CD1D: variants seen among roughly 807,000 people sequenced by gnomAD.
CD1D encodes antigen-presenting glycoprotein CD1d.
In CD1D, 40 loss-of-function variants were observed where a neutral mutation model predicts 42.1. That is an observed-to-expected ratio of 0.95 (90% CI 0.74 to 1.24). CD1D has a LOEUF of 1.24. CD1D is among the 50% of genes most tolerant of loss of function. The pLI, the probability that CD1D is intolerant of heterozygous loss-of-function variation, is 0.00. For synonymous variants in CD1D, 178 were observed against 171.8 expected, an observed-to-expected ratio of 1.04 and a Z score of -0.28; for missense variants, 437 against 416.5, an observed-to-expected ratio of 1.05 and a Z score of -0.43.
upstream of CD1D, among the ~76,000 whole-genome samples, chr1:158,180,640 C>A (rs1460732616): frequency 6.6e-6 from 1 of 152,220 alleles, no homozygotes; most frequent in Non-Finnish European, 1.5e-5. Flanking sequence ...TAAGATCACT[C>A]ATAGTCTTTC....
rs1648660283 is a variant in CD1D, at chr1:158,185,331, A to G, written c.*1181A>G. Among the ~76,000 whole-genome samples, 1 of 152,212 alleles carries G rather than the reference A, an allele frequency of 6.6e-6. No individual in the cohort carries two copies. The highest frequency in any genetic ancestry group is 2.4e-5 in the African/African-American group (1 of 41,462). ...TGGAGAGTGTTTGCTTGAGAAAAGT[A>G]ACATTTCACACTCTCTATACTAGAC... On this transcript the variant is annotated 3_prime_UTR_variant, in exon 6 of 6. Transcript: ENST00000674085.
chr1:158,182,353 C>G (rs374194252), intron 3 of CD1D, 43 bp downstream of exon 3: 223 of 1,607,846 alleles, frequency 1.4e-4, no homozygotes, highest in Non-Finnish European at 1.9e-4. Flanking sequence ...CTTCAGGGCT[C>G]CAAACGGGCT....
Position 158,181,532 on chromosome 1 carries a change from T to C in CD1D, c.139T>C (p.Leu47=). Residue 47 remains leucine (L), a synonymous_variant, in exon 2 of 6, where the codon TTG becomes CTG. Transcript: ENST00000674085. ...TAGCAGCTGGACGCGCACCGACGGC[T>C]TGGCGTGGCTGGGGGAGCTGCAGAC... is the stretch of plus-strand genomic sequence containing the variant. The part of the protein sequence containing the change: ...ANSSWTRTDG[L]AWLGELQTHS... 1 of 1,614,162 alleles carries C rather than the reference T, an allele frequency of 6.2e-7. No homozygotes were observed. Among genetic ancestry groups the C allele is most frequent in the Non-Finnish European group, 8.5e-7 (1 of 1,180,032 alleles).
rs1648645273 is a variant in CD1D at position 158,184,989 on chromosome 1, G to A, written c.*839G>A. The A allele has an allele frequency of 6.6e-6, 1 of 152,190 alleles. No homozygotes were observed. The highest frequency in any genetic ancestry group is 6.5e-5 in the Admixed American group (1 of 15,290). 9.4% of individuals were successfully genotyped at this position (152,190 alleles called of 1,614,324 possible). On this transcript the variant is annotated 3_prime_UTR_variant, in exon 6 of 6. Coordinates refer to ENST00000674085, the MANE Select transcript of CD1D (RefSeq NM_001371762.2). ...TTTTTCCTTGGAGGAAGATTGTCAT[G>A]AAGGCATCCCTTCCTTCCCAAAACG...
chr1:158,183,249 A>G (rs1648544032), intron 4 of CD1D, 93 bp downstream of exon 4: 1 of 1,430,170 alleles, frequency 7.0e-7, no homozygotes. Context: ...TGATATACCC[A>G]GGTTAGAGGA....
At chr1:158,182,422 G>A in intron 3 of CD1D, 112 bp downstream of exon 3, 2 of 1,181,840 alleles carry the variant, frequency 1.7e-6, no homozygotes, top group Non-Finnish European at 2.5e-6. Flanking sequence ...GCCCAGGAGG[G>A]GCTGGATAAG....
Position 158,186,303 on chromosome 1 carries a change from C to T in CD1D, c.*2153C>T, listed in dbSNP as rs990781388. On this transcript the variant is annotated 3_prime_UTR_variant, in exon 6 of 6. Coordinates refer to ENST00000674085, the MANE Select transcript of CD1D (RefSeq NM_001371762.2). ...CCACTGGCCTTCTGCATTCTGAGGGCACGTGTGTTAAAGTCTCTACTGATG... is the reference window on the plus strand; with the variant it reads ...CCACTGGCCTTCTGCATTCTGAGGGTACGTGTGTTAAAGTCTCTACTGATG... Among the ~76,000 whole-genome samples the T allele has an allele frequency of 6.6e-6, 1 of 152,138 alleles. No homozygotes were observed. The highest frequency in any genetic ancestry group is 2.4e-5 in the African/African-American group (1 of 41,430).
Position 158,184,132 on chromosome 1 carries a change from C to G in CD1D, c.990C>G (p.Ser330=), listed in dbSNP as rs780169915. ...TTCCCTTTCTATTCTCTCACAGTTCCTATCAGGGCGTCCTGTGACTCGCCT... is the reference window on the plus strand; with the variant it reads ...TTCCCTTTCTATTCTCTCACAGTTCGTATCAGGGCGTCCTGTGACTCGCCT... ...GFTSRFKRQT[S]YQGVL is the part of the protein sequence containing the mutation. The change falls in exon 6 of 6, where the codon TCC becomes TCG. Residue 330 remains serine, a synonymous_variant. Transcript: ENST00000674085. The G allele has an allele frequency of 5.0e-6, 8 of 1,613,990 alleles. No individual in the cohort carries two copies. In the East Asian group the frequency reaches 1.8e-4, roughly 36 times the overall value.
Position 158,183,052 on chromosome 1 carries a change from G to T in CD1D, c.782G>T (p.Trp261Leu), listed in dbSNP as rs1287550250. 1 of 1,614,148 alleles carries T rather than the reference G, an allele frequency of 6.2e-7. No homozygotes were observed. Among genetic ancestry groups the T allele is most frequent in the Non-Finnish European group, 8.5e-7 (1 of 1,180,004 alleles). Residue 261 changes from tryptophan (W) to leucine (L), a missense_variant, in exon 4 of 6, where the codon TGG becomes TTG. Transcript: ENST00000674085. ...ATCCTGCCCAATGCTGACGAGACATGGTATCTCCGAGCAACCCTGGATGTG... is the reference window on the plus strand; with the variant it reads ...ATCCTGCCCAATGCTGACGAGACATTGTATCTCCGAGCAACCCTGGATGTG... Reference protein sequence around the residue: ...GDILPNADETWYLRATLDVVA... With the variant: ...GDILPNADETLYLRATLDVVA...
intron 2 of CD1D, 24 bp downstream of exon 2, chr1:158,181,745 G>T (rs1191543859): frequency 6.2e-7 from 1 of 1,602,578 alleles, no homozygotes; most frequent in Admixed American, 1.7e-5. Flanking sequence ...TAGGATCCTG[G>T]GCCGGTACCC....
At chr1:158,180,644 G>C (rs1260827309), upstream of CD1D, among the ~76,000 whole-genome samples, 2 of 152,204 alleles carry the variant, frequency 1.3e-5, no homozygotes, top group Non-Finnish European at 2.9e-5. Flanking sequence ...ATCACTCATA[G>C]TCTTTCCACC....
chr1:158,182,896 T>C lies in CD1D; in HGVS notation c.626T>C (p.Leu209Pro), dbSNP rs1175071315. The C allele has an allele frequency of 1.2e-6, 2 of 1,610,390 alleles. No homozygotes were observed. The highest frequency in any genetic ancestry group is 2.7e-5 in the African/African-American group (2 of 74,892). ...GATACAGTGAAGCCCAAGGCCTGGC[T>C]GTCCCGTGGCCCCAGTCCTGGCCCT... Reference protein sequence around the residue: ...LKKQVKPKAWLSRGPSPGPGR... With the variant: ...LKKQVKPKAWPSRGPSPGPGR... Residue 209 changes from leucine (L) to proline (P), a missense_variant, in exon 4 of 6, where the codon CTG becomes CCG. Coordinates refer to ENST00000674085, the MANE Select transcript of CD1D (RefSeq NM_001371762.2).
intron 1 of CD1D, 66 bp from the exon 2 acceptor site, chr1:158,181,389 C>A: frequency 1.3e-6 from 2 of 1,587,066 alleles, no homozygotes; most frequent in South Asian, 1.1e-5. Context: ...TTCTTTCTTC[C>A]TTCTCTTTAT....
Position 158,183,031 on chromosome 1 carries a change from T to C in CD1D, c.761T>C (p.Leu254Pro). The C allele has an allele frequency of 1.2e-6, 2 of 1,614,118 alleles. No individual in the cohort carries two copies. The highest frequency in any genetic ancestry group is 1.7e-5 in the Admixed American group (1 of 60,024). ...EQQGTQPGDI[L>P]PNADETWYLR... The stretch of plus-strand genomic sequence containing the variant: ...CAGGGCACTCAGCCAGGGGACATCC[T>C]GCCCAATGCTGACGAGACATGGTAT... Residue 254 changes from leucine (L) to proline (P), a missense_variant, in exon 4 of 6, where the codon CTG becomes CCG. Coordinates refer to ENST00000674085, the MANE Select transcript of CD1D (RefSeq NM_001371762.2).
intron 1 of CD1D, 28 bp from the exon 2 acceptor site, chr1:158,181,427 C>G (rs1447977722): frequency 6.2e-7 from 1 of 1,608,448 alleles, no homozygotes; most frequent in African/African-American, 1.3e-5. Flanking sequence ...CCACTTGCTA[C>G]ACGCCTCCAA....
At position 158,182,294 on chromosome 1, in the gene CD1D, G is replaced by A. The variant is rs374390697; in HGVS notation, c.591G>A (p.Ser197=). The change falls in exon 3 of 6, where the codon TCG becomes TCA. Residue 197 remains serine (S), a synonymous_variant. Transcript: ENST00000674085. ...GTGGCCTCCTTGAGTCAGGGAAGTC[G>A]GAACTGAAGAAGCAAGGTCAGCCTG... ...FVSGLLESGK[S]ELKKQVKPKA... is the part of the protein sequence containing the mutation. The A allele has an allele frequency of 1.1e-4, 171 of 1,613,968 alleles. No homozygotes were observed. The highest frequency in any genetic ancestry group is 1.4e-4 in the Non-Finnish European group (161 of 1,180,004).
upstream of CD1D, among the ~76,000 whole-genome samples, chr1:158,178,671 GT>G (rs1648260439): frequency 6.6e-6 from 1 of 152,032 alleles, no homozygotes; most frequent in African/African-American, 2.4e-5. Context: ...CCCTAACTCT[GT>G]TTCCATAAAA....
intron 3 of CD1D, 178 bp downstream of exon 3, chr1:158,182,488 T>G (rs898857429): frequency 1.5e-6 from 1 of 682,256 alleles, no homozygotes. Flanking sequence ...TTGGGTTCTA[T>G]GAATTCAATT....
intron 1 of CD1D, 84 bp downstream of exon 1, chr1:158,181,246 T>G (rs1558043281): frequency 6.7e-7 from 1 of 1,485,372 alleles, no homozygotes; most frequent in African/African-American, 1.4e-5. Flanking sequence ...CAACGCCTGA[T>G]GGGGACTGGT....
Sources: gnomAD v4.1 joint callset for allele counts (sites outside exome capture counted in the v4.1 genomes callset) on GRCh38, gnomAD v4.1.1 for gene constraint, MANE v1.5 for transcripts, NCBI Gene and HGNC (gene_info 2026-07-23, HGNC 2026-07-21) for gene names.